The following GUCY2C variants were observed in gnomAD, a reference collection of about 807,000 sequenced individuals.
GUCY2C encodes guanylate cyclase 2C.
A neutral mutation model predicts 131.1 loss-of-function variants in GUCY2C; 118 were observed. The observed-to-expected ratio is 0.90, with a 90% confidence interval of 0.78 to 1.05. The LOEUF (loss-of-function observed/expected upper bound fraction) is 1.05, where lower values mean the gene tolerates loss of function less well. GUCY2C is among the 50% of genes least tolerant of loss of function. GUCY2C has a pLI of 0.00. For missense variants in GUCY2C, 1,161 were observed against 1,304.4 expected, an observed-to-expected ratio of 0.89 and a Z score of 1.69; for synonymous variants, 452 against 457.8, an observed-to-expected ratio of 0.99 and a Z score of 0.16.
chr12:14,656,776 C>T (rs554669503), intron 11 of GUCY2C, among the ~76,000 whole-genome samples, 159 bp from the exon 12 acceptor site: 16 of 152,246 alleles, frequency 1.1e-4, no homozygotes, highest in African/African-American at 2.9e-4. Context: ...AACTGAAAAG[C>T]GCTTACTGCC....
chr12:14,652,696 C>A (rs1947687666), intron 13 of GUCY2C, among the ~76,000 whole-genome samples: 1 of 152,154 alleles, frequency 6.6e-6, no homozygotes, highest in African/African-American at 2.4e-5. Flanking sequence ...CTCTGAATAT[C>A]TTTGATATTT....
intron 22 of GUCY2C, 142 bp downstream of exon 22, chr12:14,621,863 C>A (rs963623993): frequency 1.8e-6 from 1 of 560,030 alleles, no homozygotes; most frequent in Non-Finnish European, 3.1e-6. Flanking sequence ...TACTTCTCTT[C>A]ACTTTTAGCT....
chr12:14,688,966 G>T (rs541445066), intron 1 of GUCY2C, among the ~76,000 whole-genome samples: 1 of 152,216 alleles, frequency 6.6e-6, no homozygotes, highest in Admixed American at 6.5e-5. Flanking sequence ...CCATGTGGAC[G>T]TTAGTAAGTG....
chr12:14,648,289 C>A (rs1258798286), intron 15 of GUCY2C, among the ~76,000 whole-genome samples: 4 of 149,532 alleles, frequency 2.7e-5, no homozygotes, highest in African/African-American at 9.8e-5. Flanking sequence ...AAAAAAAAAT[C>A]TATTCCTTTT....
Position 14,656,579 on chromosome 12 carries a change from C to A in GUCY2C, c.1403G>T (p.Trp468Leu), listed in dbSNP as rs1201431642. ...GATATTTTCAGGAGGAATGTGGGAC[C>A]ATTTTTTCTGACGAAGTTCATAATC... ...RKDYELRQKK[W>L]SHIPPENIFP... is the part of the protein sequence containing the mutation. The change falls in exon 12 of 27, where the codon TGG becomes TTG. Residue 468 changes from tryptophan (W) to leucine (L), a missense_variant. By Grantham distance (61) the Trp-to-Leu change is moderately conservative (BLOSUM62 -2). Transcript: ENST00000261170. The A allele has an allele frequency of 6.3e-7, 1 of 1,599,026 alleles. No individual in the cohort carries two copies. The highest frequency in any genetic ancestry group is 8.6e-7 in the Non-Finnish European group (1 of 1,166,436).
At chr12:14,650,790 A>G (rs1947637874) in intron 15 of GUCY2C, among the ~76,000 whole-genome samples, 1 of 152,234 alleles carries the variant, frequency 6.6e-6, no homozygotes, top group South Asian at 2.1e-4. Context: ...CCAAAGAAAG[A>G]GCCCTCAGAT....
intron 15 of GUCY2C, among the ~76,000 whole-genome samples, chr12:14,645,929 G>T (rs1178098980): frequency 6.6e-6 from 1 of 151,954 alleles, no homozygotes; most frequent in East Asian, 1.9e-4. Context: ...TGTGCCTCCG[G>T]GGTTCCAGCC....
intron 9 of GUCY2C, among the ~76,000 whole-genome samples, chr12:14,671,052 ATTACCTCC>A (rs1452020685): frequency 6.6e-6 from 1 of 151,804 alleles, no homozygotes; most frequent in Non-Finnish European, 1.5e-5. Flanking sequence ...CCGTGATTCA[ATTACCTCC>A]CCTGGTCCCT....
At chr12:14,651,285 G>T (rs530576234) in intron 15 of GUCY2C, 122 bp downstream of exon 15, 4 of 579,006 alleles carry the variant, frequency 6.9e-6, no homozygotes, top group South Asian at 4.9e-5. Flanking sequence ...AGTTTGGAAA[G>T]CATGTGACCC....
At chr12:14,635,349 A>G (rs1833821028) in intron 19 of GUCY2C, among the ~76,000 whole-genome samples, 1 of 152,200 alleles carries the variant, frequency 6.6e-6, no homozygotes, top group African/African-American at 2.4e-5. Flanking sequence ...ACTAAACAAC[A>G]TGCTTCTGAA....
At chr12:14,668,856 G>A (rs4764114) in intron 10 of GUCY2C, among the ~76,000 whole-genome samples, 148,133 of 152,142 alleles carry the variant, frequency 0.97, 72,234 homozygotes, top group Non-Finnish European at 1. Context: ...AGCTGGCCAA[G>A]TCATGTTAGG....
chr12:14,685,120 A>G (rs1565635811), intron 3 of GUCY2C, among the ~76,000 whole-genome samples: 1 of 152,194 alleles, frequency 6.6e-6, no homozygotes, highest in Non-Finnish European at 1.5e-5. Context: ...CACAGCTAAA[A>G]TGCTTTGCAC....
intron 1 of GUCY2C, among the ~76,000 whole-genome samples, chr12:14,695,117 T>G (rs951766264): frequency 1.3e-5 from 2 of 152,140 alleles, no homozygotes; most frequent in African/African-American, 2.4e-5. Context: ...GAAAGTCACT[T>G]GTGCAATAAT....
chr12:14,690,368 T>C (rs1948552259), intron 1 of GUCY2C, among the ~76,000 whole-genome samples: 1 of 152,172 alleles, frequency 6.6e-6, no homozygotes. Flanking sequence ...AGAACTCCCA[T>C]ATTTAGATGA....
intron 8 of GUCY2C, 106 bp from the exon 9 acceptor site, chr12:14,673,064 A>G (rs1003497218): frequency 4.2e-5 from 29 of 682,636 alleles, no homozygotes; most frequent in South Asian, 2.6e-4. Context: ...CTCTGTTTCA[A>G]ATTTACTGAA....
chr12:14,617,512 G>T (rs1946792435), intron 24 of GUCY2C, among the ~76,000 whole-genome samples: 1 of 152,148 alleles, frequency 6.6e-6, no homozygotes, highest in Non-Finnish European at 1.5e-5. Context: ...CCAATAAATA[G>T]CTAAAGCCTT....
chr12:14,644,413 G>GCTT (rs538014659), intron 16 of GUCY2C, among the ~76,000 whole-genome samples: 1 of 152,148 alleles, frequency 6.6e-6, no homozygotes, highest in Non-Finnish European at 1.5e-5. Flanking sequence ...TGGCTGATGT[G>GCTT]CTTCTCTCTT....
chr12:14,652,867 A>G (rs572579114), intron 13 of GUCY2C, 85 bp downstream of exon 13: 45 of 872,070 alleles, frequency 5.2e-5, no homozygotes, highest in Non-Finnish European at 8.3e-5. Context: ...CCATTGTGAT[A>G]CTGACATCAG....
chr12:14,683,455 T>C (rs1293448692), intron 3 of GUCY2C, among the ~76,000 whole-genome samples, 198 bp from the exon 4 acceptor site: 1 of 152,226 alleles, frequency 6.6e-6, no homozygotes, highest in Non-Finnish European at 1.5e-5. Context: ...ACATGCTATG[T>C]TCTAAGCACA....
Sources: allele counts gnomAD v4.1 joint callset (sites outside exome capture counted in the v4.1 genomes callset), GRCh38; gene constraint gnomAD v4.1.1; transcripts MANE v1.5; gene names NCBI Gene and HGNC (gene_info 2026-07-23, HGNC 2026-07-21).